The following UBASH3A variants were observed in gnomAD, a reference collection of about 807,000 sequenced individuals.
The protein encoded by UBASH3A is ubiquitin-associated and SH3 domain-containing protein A.
Under a neutral mutation model 73.5 loss-of-function variants are expected in UBASH3A, and 63 were observed. The observed-to-expected ratio is 0.86, with a 90% CI of 0.70 to 1.06. The LOEUF is 1.06. Ranked by LOEUF, UBASH3A falls within the 50% of genes least tolerant of loss-of-function variation. The pLI is 0.00. For synonymous variants in UBASH3A, 363 were observed against 351.1 expected (o/e 1.03, Z -0.38); for missense variants, 860 against 859.0 (o/e 1.00, Z -0.02).
At chr21:42,445,650 G>A (rs1442347547) in intron 14 of UBASH3A, among the ~76,000 whole-genome samples, 1 of 152,208 alleles carries the variant, frequency 6.6e-6, no homozygotes, top group Non-Finnish European at 1.5e-5. Context: ...TGCCTGCCGT[G>A]GGTCATTGTC....
At chr21:42,407,540 C>T (rs368976550) in intron 2 of UBASH3A, among the ~76,000 whole-genome samples, 154 of 152,292 alleles carry the variant, frequency 1.0e-3, no homozygotes, top group African/African-American at 3.4e-3. Context: ...GCAATGGGGT[C>T]CCCTAGACTG....
chr21:42,443,308 C>T lies in UBASH3A; in HGVS notation c.1632-4C>T, dbSNP rs768197792. ...GCAGCAGCCTCTCCTTCTCATCCTT[C>T]CAGGCCCGCGTTTCCCCTGTCCGCC... On this transcript the variant is annotated splice_polypyrimidine_tract_variant and splice_region_variant and intron_variant, in intron 12 of 14. Transcript: ENST00000319294. 5 of 1,611,890 alleles carry T rather than the reference C, an allele frequency of 3.1e-6. No homozygotes were observed. In the South Asian group the frequency reaches 5.5e-5, roughly 18 times the overall value.
chr21:42,447,263 C>T lies in UBASH3A; in HGVS notation c.*69C>T. 6.5e-7 allele frequency: 1 copy of T among 1,527,064 alleles called. No homozygotes were observed. 94.6% of individuals were successfully genotyped at this position (1,527,064 alleles called of 1,614,324 possible). A position where few individuals can be genotyped will look rare whatever the true frequency, so the allele number is the denominator to read the frequency against. On this transcript the variant is annotated 3_prime_UTR_variant, in exon 15 of 15. Coordinates refer to ENST00000319294, the MANE Select transcript of UBASH3A (RefSeq NM_018961.4). ...AACCATGTGCAGAGGCTGGGAGATG[C>T]TGCTGTTTCCAGAGGCGTCTTAGTC...
At chr21:42,437,418 A>G in intron 10 of UBASH3A, 70 bp from the exon 11 acceptor site, 1 of 1,421,664 alleles carries the variant, frequency 7.0e-7, no homozygotes, top group Middle Eastern at 1.8e-4. Context: ...CACAGGGAGC[A>G]CATGGCTCAT....
At chr21:42,423,665 C>T (rs1297699879) in intron 7 of UBASH3A, among the ~76,000 whole-genome samples, 1 of 152,218 alleles carries the variant, frequency 6.6e-6, no homozygotes, top group Non-Finnish European at 1.5e-5. Context: ...TTTCACTTCA[C>T]AATTAATACA....
chr21:42,444,156 G>C (rs1167492112), intron 13 of UBASH3A, among the ~76,000 whole-genome samples: 2 of 152,192 alleles, frequency 1.3e-5, no homozygotes, highest in African/African-American at 4.8e-5. Context: ...AGCAGGAGTC[G>C]TAGCAGGCTC....
intron 1 of UBASH3A, among the ~76,000 whole-genome samples, chr21:42,405,669 T>C (rs914572760): frequency 1.3e-5 from 2 of 152,212 alleles, no homozygotes; most frequent in African/African-American, 4.8e-5. Context: ...TTACCTTTGC[T>C]ATATTCCATT....
chr21:42,432,994 T>A lies in UBASH3A; in HGVS notation c.1270+792T>A, dbSNP rs138364999. ...CTTTTTTTCAATAAAACAGTTTTTT[T>A]AGCTATTGAATTACTGAAGCTATAG... On this transcript the variant is annotated intron_variant, in intron 9 of 14. Transcript: ENST00000319294. Among the ~76,000 whole-genome samples, 1,092 of 152,362 alleles carry A rather than the reference T, an allele frequency of 7.2e-3. 9 individuals are homozygous for A. The highest frequency in any genetic ancestry group is 0.024 in the African/African-American group (1,010 of 41,570).
intron 11 of UBASH3A, among the ~76,000 whole-genome samples, chr21:42,441,400 G>T (rs1474445566): frequency 1.3e-5 from 2 of 150,316 alleles, no homozygotes; most frequent in Admixed American, 6.6e-5. Context: ...TCACAGGCTT[G>T]GGGGAGATTT....
At chr21:42,437,401 T>G in intron 10 of UBASH3A, 87 bp from the exon 11 acceptor site, 1 of 1,278,666 alleles carries the variant, frequency 7.8e-7, no homozygotes, top group Non-Finnish European at 1.1e-6. Flanking sequence ...TTGAGGACCC[T>G]GCCTACCACA....
At chr21:42,431,204 G>A (rs1478448680) in intron 8 of UBASH3A, among the ~76,000 whole-genome samples, 1 of 152,154 alleles carries the variant, frequency 6.6e-6, no homozygotes, top group Non-Finnish European at 1.5e-5. Context: ...TGCACAGCAT[G>A]GGGAGAAGGG....
At chr21:42,417,419 C>CAAAAAAAAAAAAAAAAAAAAAAAAAAAAA in intron 6 of UBASH3A, 1 of 74,312 alleles carries the variant, frequency 1.3e-5, no homozygotes, top group African/African-American at 5.3e-5. Context: ...GCGAGACTGG[C>CAAAAAAAAAAAAAAAAAAAAAAAAAAAAA]AAAAAAAAAA....
rs762325356 is a variant in UBASH3A at position 42,432,144 on chromosome 21, G to A, written c.1212G>A (p.Gly404=). ...AGAGCGTGCTGGTGGTTCGCCACGG[G>A]GAGAGAGTGGATCAGATCTTCGGGA... is the stretch of plus-strand genomic sequence containing the variant. The part of the protein sequence containing the change: ...ARKSVLVVRH[G]ERVDQIFGKA... The change falls in exon 9 of 15, where the codon GGG becomes GGA. Residue 404 remains glycine (G), a synonymous_variant. Coordinates refer to ENST00000319294, the MANE Select transcript of UBASH3A (RefSeq NM_018961.4). 8.7e-6 allele frequency: 14 copies of A among 1,613,570 alleles called. No homozygotes were observed. The highest frequency in any genetic ancestry group is 6.7e-5 in the Admixed American group (4 of 59,964).
At position 42,430,959 on chromosome 21, in the gene UBASH3A, C is replaced by T. The variant is rs533599429; in HGVS notation, c.1171-1144C>T. On this transcript the variant is annotated intron_variant, in intron 8 of 14. Coordinates refer to ENST00000319294, the MANE Select transcript of UBASH3A (RefSeq NM_018961.4). Reference sequence around the variant, plus strand: ...GGGGCTGGGAATGTAGGTGAAGGGCCGATGTCAGCTGGCACATTAGTGCCC... The same window carrying T: ...GGGGCTGGGAATGTAGGTGAAGGGCTGATGTCAGCTGGCACATTAGTGCCC... 9.1e-4 allele frequency among the ~76,000 whole-genome samples: 139 copies of T among 152,274 alleles called. 1 individual carries two copies. Among genetic ancestry groups the T allele is most frequent in the Non-Finnish European group, 1.3e-3 (88 of 68,004 alleles).
At chr21:42,437,620 C>A (rs1223750745) in intron 11 of UBASH3A, 40 bp downstream of exon 11, 4 of 1,564,224 alleles carry the variant, frequency 2.6e-6, no homozygotes, top group Admixed American at 1.7e-5. Context: ...ACTGCCTTGA[C>A]CTTGGGGCTA....
At chr21:42,430,298 A>G (rs899152989) in intron 8 of UBASH3A, among the ~76,000 whole-genome samples, 3 of 152,196 alleles carry the variant, frequency 2.0e-5, no homozygotes, top group African/African-American at 7.2e-5. Flanking sequence ...GCCAGGTGGA[A>G]AATGAGTCCC....
rs535016016 is a variant in UBASH3A at position 42,415,028 on chromosome 21, G to A, written c.668-1414G>A. ...TGGCCCATGCTCTCAGCCTGACACCGAGGGGGTGGAGGGGACTCTCTCAGT... is the reference window on the plus strand; with the variant it reads ...TGGCCCATGCTCTCAGCCTGACACCAAGGGGGTGGAGGGGACTCTCTCAGT... On this transcript the variant is annotated intron_variant, in intron 5 of 14. Transcript: ENST00000319294. Among the ~76,000 whole-genome samples, 14 of 152,304 alleles carry A rather than the reference G, an allele frequency of 9.2e-5. No individual in the cohort carries two copies. The East Asian group carries it at 2.1e-3, about 23-fold the overall frequency.
At chr21:42,440,087 G>A (rs73372283) in intron 11 of UBASH3A, among the ~76,000 whole-genome samples, 3,482 of 151,950 alleles carry the variant, frequency 0.023, 118 homozygotes, top group African/African-American at 0.079. Context: ...GTCACAGACC[G>A]CAGAGGAGGA....
intron 7 of UBASH3A, among the ~76,000 whole-genome samples, chr21:42,425,361 G>T (rs1341696627): frequency 6.6e-6 from 1 of 152,212 alleles, no homozygotes; most frequent in Non-Finnish European, 1.5e-5. Flanking sequence ...TCAGTTGATA[G>T]CAAAGCCCTA....
Sources: allele counts gnomAD v4.1 joint callset (sites outside exome capture counted in the v4.1 genomes callset), GRCh38; gene constraint gnomAD v4.1.1; transcripts MANE v1.5; gene names NCBI Gene and HGNC (gene_info 2026-07-23, HGNC 2026-07-21).